COP1: variants seen among roughly 807,000 people sequenced by gnomAD.
The protein encoded by COP1 is E3 ubiquitin-protein ligase COP1.
Under a neutral mutation model 101.3 loss-of-function variants are expected in COP1, and 24 were observed. The ratio of observed to expected loss-of-function variants is 0.24; its 90% CI spans 0.17 to 0.33. The LOEUF (loss-of-function observed/expected upper bound fraction) is 0.33, where lower values mean the gene tolerates loss of function less well. COP1 is among the 10% of genes least tolerant of loss of function. The pLI, the probability that COP1 is intolerant of heterozygous loss-of-function variation, is 1.00. For synonymous variants in COP1, 347 were observed against 341.9 expected (o/e 1.01, Z -0.17); for missense variants, 663 against 906.2 (o/e 0.73, Z 3.45).
chr1:176,139,787 AC>A (rs373631748), intron 6 of COP1, among the ~76,000 whole-genome samples: 10 of 152,176 alleles, frequency 6.6e-5, no homozygotes, highest in African/African-American at 2.4e-4. Context: ...GTTACAACAG[AC>A]ACAGGGAACT....
chr1:176,160,755 T>C (rs1342799411), intron 5 of COP1, among the ~76,000 whole-genome samples: 1 of 152,132 alleles, frequency 6.6e-6, no homozygotes, highest in Admixed American at 6.5e-5. Context: ...ATGGCAATTA[T>C]TAAAAAGCCA....
chr1:176,174,573 A>C (rs1232523563), intron 3 of COP1, among the ~76,000 whole-genome samples: 2 of 152,066 alleles, frequency 1.3e-5, no homozygotes, highest in Non-Finnish European at 1.5e-5. Context: ...AAAAAAAATT[A>C]CAGTGAAGAG....
chr1:175,984,008 T>C (rs912762598), intron 18 of COP1, among the ~76,000 whole-genome samples: 1 of 152,254 alleles, frequency 6.6e-6, no homozygotes. Context: ...TTCAAAAAAT[T>C]TGCAGCCTGA....
At chr1:175,993,615 G>A (rs1357720738) in intron 15 of COP1, among the ~76,000 whole-genome samples, 7 of 152,326 alleles carry the variant, frequency 4.6e-5, no homozygotes, top group African/African-American at 1.7e-4. Context: ...CTCAGGAGCC[G>A]ATGAGATGAA....
At chr1:176,124,371 T>A (rs1006593698) in intron 8 of COP1, among the ~76,000 whole-genome samples, 1 of 130,348 alleles carries the variant, frequency 7.7e-6, no homozygotes, top group African/African-American at 3.6e-5. Flanking sequence ...TTTTAATTAA[T>A]TTTTTTTTTT....
At position 176,111,141 on chromosome 1, in the gene COP1, G is replaced by A. The variant is rs375563412; in HGVS notation, c.1026+5483C>T. On this transcript the variant is annotated intron_variant, in intron 9 of 19. Transcript: ENST00000367669. The stretch of plus-strand genomic sequence containing the variant: ...CACTCCAGCCTGGACAACAGAGCGA[G>A]ACCTTGTCTCAAAAAATAAAAATAA... Among the ~76,000 whole-genome samples, 398 of 152,126 alleles carry A rather than the reference G, an allele frequency of 2.6e-3. 3 individuals carry two copies. Among genetic ancestry groups the A allele is most frequent in the African/African-American group, 9.2e-3 (380 of 41,504 alleles).
intron 9 of COP1, among the ~76,000 whole-genome samples, chr1:176,105,478 C>A (rs1684155300): frequency 1.3e-5 from 2 of 152,130 alleles, no homozygotes; most frequent in African/African-American, 4.8e-5. Context: ...GTTTTCTCAG[C>A]AATTTTCATG....
intron 11 of COP1, among the ~76,000 whole-genome samples, chr1:176,068,261 T>C (rs1002180233): frequency 1.3e-5 from 2 of 152,122 alleles, no homozygotes; most frequent in African/African-American, 2.4e-5. Context: ...CTTTCTTCCC[T>C]CCCTCCTTTC....
chr1:175,955,386 A>C (rs7537435), intron 18 of COP1, among the ~76,000 whole-genome samples: 114,424 of 152,098 alleles, frequency 0.75, 44,940 homozygotes, highest in East Asian at 0.92. Flanking sequence ...AACTAACATC[A>C]TACTTAGTGG....
chr1:176,058,185 G>GTGA (rs765361938), intron 11 of COP1, among the ~76,000 whole-genome samples: 2 of 92,092 alleles, frequency 2.2e-5, no homozygotes, highest in South Asian at 8.1e-4. Flanking sequence ...CGGTAGGGAG[G>GTGA]GGGGGGGTCA....
At chr1:175,987,870 C>T (rs1436948417) in intron 17 of COP1, among the ~76,000 whole-genome samples, 2 of 152,078 alleles carry the variant, frequency 1.3e-5, no homozygotes. Flanking sequence ...CAGATCAATG[C>T]TATGCAAACA....
rs986882916 is a variant in COP1 at position 176,043,788 on chromosome 1, G to A, written c.1452C>T (p.Asn484=). The change falls in exon 13 of 20, where the codon AAC becomes AAT. Residue 484 remains asparagine (N), a synonymous_variant. Coordinates refer to ENST00000367669, the MANE Select transcript of COP1 (RefSeq NM_022457.7). The part of the protein sequence containing the change: ...SCISWSSYHK[N]LLASSDYEGT... The stretch of plus-strand genomic sequence containing the variant: ...CTTCATAATCACTGCTAGCTAACAG[G>A]TTCTTATGGTAACTACTCCAACTGA... 8 of 1,609,172 alleles carry A rather than the reference G, an allele frequency of 5.0e-6. No individual in the cohort carries two copies. The African/African-American group carries it at 9.4e-5, about 19-fold the overall frequency.
intron 1 of COP1, among the ~76,000 whole-genome samples, chr1:176,185,703 GA>G (rs1698359391): frequency 6.6e-6 from 1 of 152,230 alleles, no homozygotes; most frequent in South Asian, 2.1e-4. Flanking sequence ...AAGCTAGGAA[GA>G]AAGGAGGATA....
At chr1:176,202,761 G>A (rs1299715683) in intron 1 of COP1, among the ~76,000 whole-genome samples, 2 of 151,948 alleles carry the variant, frequency 1.3e-5, no homozygotes, top group East Asian at 2.0e-4. Flanking sequence ...AATAGGTAAT[G>A]GCTATATATT....
At chr1:176,172,771 T>C (rs901913064) in intron 3 of COP1, among the ~76,000 whole-genome samples, 5 of 152,220 alleles carry the variant, frequency 3.3e-5, no homozygotes, top group African/African-American at 9.7e-5. Context: ...TATTCCACTT[T>C]CAGGAACACA....
At position 176,043,253 on chromosome 1, in the gene COP1, C is replaced by A; in HGVS notation, c.1545G>T (p.Arg515Ser). ...TCAAATTAAAGTCAACACTCCAACA[C>A]CTCTTCTCATGCTCCTGGAAGCAGA... ...RSKVYQEHEK[R>S]CWSVDFNLMD... Residue 515 changes from arginine (R) to serine (S), a missense_variant, in exon 14 of 20, where the codon AGG becomes AGT. Coordinates refer to ENST00000367669, the MANE Select transcript of COP1 (RefSeq NM_022457.7). The A allele has an allele frequency of 6.2e-7, 1 of 1,610,482 alleles. No homozygotes were observed. Among genetic ancestry groups the A allele is most frequent in the South Asian group, 1.1e-5 (1 of 90,992 alleles).
chr1:175,949,472 A>C (rs1003827719), intron 18 of COP1, among the ~76,000 whole-genome samples: 1 of 152,172 alleles, frequency 6.6e-6, no homozygotes, highest in Non-Finnish European at 1.5e-5. Flanking sequence ...CAGCAGAAAG[A>C]GGCACTGTGT....
In COP1 at chr1:176,202,200, T is replaced by A. The variant is rs909695124; in HGVS notation, c.407+4372A>T. Among the ~76,000 whole-genome samples the A allele has an allele frequency of 2.7e-3, 399 of 149,988 alleles. 5 individuals carry two copies. Among genetic ancestry groups the A allele is most frequent in the African/African-American group, 9.3e-3 (381 of 40,784 alleles). Reference sequence around the variant, plus strand: ...TTCTAGTTCACTTTTTTTTTTTTTTTTTTTTTGGAGACAGGGTCTCACTTT... The same window carrying A: ...TTCTAGTTCACTTTTTTTTTTTTTTATTTTTTGGAGACAGGGTCTCACTTT... On this transcript the variant is annotated intron_variant, in intron 1 of 19. Coordinates refer to ENST00000367669, the MANE Select transcript of COP1 (RefSeq NM_022457.7).
chr1:176,107,909 A>G (rs552917982), intron 9 of COP1, among the ~76,000 whole-genome samples: 1 of 152,212 alleles, frequency 6.6e-6, no homozygotes, highest in Non-Finnish European at 1.5e-5. Context: ...GGGAAATCCT[A>G]TAAATAACTT....
Sources: gnomAD v4.1 joint callset for allele counts (sites outside exome capture counted in the v4.1 genomes callset) on GRCh38, gnomAD v4.1.1 for gene constraint, MANE v1.5 for transcripts, NCBI Gene and HGNC (gene_info 2026-07-23, HGNC 2026-07-21) for gene names.